The following ERC2 variants were observed in gnomAD, a reference collection of about 807,000 sequenced individuals.
ERC2 encodes ELKS/RAB6-interacting/CAST family member 2.
In ERC2, 42 loss-of-function variants were observed where a neutral mutation model predicts 114.8. The observed-to-expected ratio is 0.37, with a 90% CI of 0.29 to 0.47. The LOEUF (loss-of-function observed/expected upper bound fraction) is 0.47. ERC2 is among the 20% of genes least tolerant of loss of function. The pLI is 0.99. For missense variants in ERC2, 939 were observed against 1,150.7 expected (o/e 0.82, Z 2.66); for synonymous variants, 454 against 425.5 (o/e 1.07, Z -0.82).
chr3:56,170,369 G>A (rs2082569038), intron 4 of ERC2, among the ~76,000 whole-genome samples: 1 of 152,136 alleles, frequency 6.6e-6, no homozygotes, highest in Admixed American at 6.5e-5. Context: ...AAAGTCCAGA[G>A]GGGGTACACA....
At chr3:55,775,482 A>G (rs1306980038) in intron 14 of ERC2, among the ~76,000 whole-genome samples, 1 of 151,678 alleles carries the variant, frequency 6.6e-6, no homozygotes, top group Non-Finnish European at 1.5e-5. Context: ...AGCGAACTAT[A>G]GCAGTGTCAT....
intron 14 of ERC2, among the ~76,000 whole-genome samples, chr3:55,758,575 T>C (rs575689814): frequency 2.6e-4 from 39 of 152,348 alleles, no homozygotes; most frequent in African/African-American, 7.7e-4. Flanking sequence ...CCTGTCCCCA[T>C]TTGACAACTT....
intron 7 of ERC2, among the ~76,000 whole-genome samples, chr3:56,056,959 G>C (rs990090065): frequency 6.6e-6 from 1 of 152,018 alleles, no homozygotes; most frequent in African/African-American, 2.4e-5. Context: ...TTACAGATAT[G>C]GGGGCAACTA....
chr3:55,835,299 A>T (rs1448000108), intron 14 of ERC2, among the ~76,000 whole-genome samples: 1 of 152,166 alleles, frequency 6.6e-6, no homozygotes, highest in Admixed American at 6.5e-5. Context: ...GACACAACCA[A>T]AAAAGGGAAT....
intron 4 of ERC2, among the ~76,000 whole-genome samples, chr3:56,165,929 C>A (rs1018111487): frequency 6.6e-6 from 1 of 151,684 alleles, no homozygotes; most frequent in Non-Finnish European, 1.5e-5. Context: ...ATAGCATTAT[C>A]GAACAGAAGT....
At chr3:56,294,465 T>C (rs1387048713) in intron 3 of ERC2, among the ~76,000 whole-genome samples, 1 of 152,234 alleles carries the variant, frequency 6.6e-6, no homozygotes, top group Non-Finnish European at 1.5e-5. Context: ...TTCCTTTCTT[T>C]GTGGCTGTTG....
At chr3:56,108,449 A>C (rs1489031432) in intron 6 of ERC2, among the ~76,000 whole-genome samples, 3 of 152,122 alleles carry the variant, frequency 2.0e-5, no homozygotes, top group African/African-American at 7.2e-5. Flanking sequence ...TTAAATAACC[A>C]ATAATTTTTT....
chr3:56,394,682 C>T (rs558770766), intron 2 of ERC2, among the ~76,000 whole-genome samples: 1 of 152,090 alleles, frequency 6.6e-6, no homozygotes, highest in East Asian at 1.9e-4. Context: ...TTAATACCCC[C>T]TAGTACGGCT....
chr3:55,586,310 C>T (rs2057598585), intron 17 of ERC2, among the ~76,000 whole-genome samples: 2 of 152,194 alleles, frequency 1.3e-5, no homozygotes, highest in Admixed American at 1.3e-4. Context: ...AGATCCCAGC[C>T]ATGATGCTTA....
chr3:56,353,267 A>C (rs1455220075), intron 2 of ERC2, among the ~76,000 whole-genome samples: 1 of 151,750 alleles, frequency 6.6e-6, no homozygotes, highest in Non-Finnish European at 1.5e-5. Flanking sequence ...CTCTCAGTTC[A>C]ATCTCTTTCA....
rs1388197434 is a variant in ERC2, at chr3:55,947,751, T to C, written c.2403+2674A>G. Among the ~76,000 whole-genome samples the C allele has an allele frequency of 3.3e-5, 5 of 152,166 alleles. No individual in the cohort carries two copies. In the East Asian group the frequency reaches 9.6e-4, roughly 29 times the overall value. On this transcript the variant is annotated intron_variant, in intron 13 of 17. Coordinates refer to ENST00000288221, the MANE Select transcript of ERC2 (RefSeq NM_015576.3). ...CTGCAAATCTGTAAGAATAAACTAT[T>C]GGTACTAAAAAGCCACTGCGTTTTG...
intron 17 of ERC2, among the ~76,000 whole-genome samples, chr3:55,656,273 G>A (rs1350839253): frequency 1.3e-5 from 2 of 152,052 alleles, no homozygotes; most frequent in Non-Finnish European, 2.9e-5. Flanking sequence ...TGAGTAGCTT[G>A]GACTACAGGA....
At chr3:55,732,844 C>A (rs11920153) in intron 15 of ERC2, among the ~76,000 whole-genome samples, 3,353 of 152,258 alleles carry the variant, frequency 0.022, 86 homozygotes, top group African/African-American at 0.062. Context: ...AAATCATGAT[C>A]TAATGCTATC....
chr3:56,330,440 C>G (rs189770504), intron 2 of ERC2, among the ~76,000 whole-genome samples: 1 of 152,116 alleles, frequency 6.6e-6, no homozygotes, highest in Non-Finnish European at 1.5e-5. Flanking sequence ...TAGGAGGATG[C>G]TAAACATTGG....
At chr3:55,956,571 T>C in intron 12 of ERC2, among the ~76,000 whole-genome samples, 1 of 152,120 alleles carries the variant, frequency 6.6e-6, no homozygotes, top group African/African-American at 2.4e-5. Context: ...GTCATGAGCA[T>C]GATATCCTTT....
intron 13 of ERC2, among the ~76,000 whole-genome samples, chr3:55,934,055 C>A (rs536175990): frequency 3.3e-5 from 5 of 152,210 alleles, no homozygotes; most frequent in African/African-American, 1.2e-4. Context: ...AAAATAAAAC[C>A]ATTTGAAAAT....
chr3:55,799,446 T>C (rs1196277473), intron 14 of ERC2, among the ~76,000 whole-genome samples: 1 of 117,870 alleles, frequency 8.5e-6, no homozygotes, highest in African/African-American at 4.5e-5. Flanking sequence ...CTTATATATA[T>C]ATGCATATAT....
At chr3:55,576,465 A>G (rs1429736914) in intron 17 of ERC2, among the ~76,000 whole-genome samples, 1 of 152,178 alleles carries the variant, frequency 6.6e-6, no homozygotes, top group African/African-American at 2.4e-5. Context: ...GAGGAAACCG[A>G]TGCTTAGGGA....
At chr3:55,886,341 A>C (rs1458803219) in intron 14 of ERC2, among the ~76,000 whole-genome samples, 1 of 152,218 alleles carries the variant, frequency 6.6e-6, no homozygotes, top group Non-Finnish European at 1.5e-5. Flanking sequence ...CAGTATTTTT[A>C]ATCTCCATTC....
Sources: gnomAD v4.1 joint callset for allele counts (sites outside exome capture counted in the v4.1 genomes callset) on GRCh38, gnomAD v4.1.1 for gene constraint, MANE v1.5 for transcripts, NCBI Gene and HGNC (gene_info 2026-07-23, HGNC 2026-07-21) for gene names.